The following AZI2 variants were observed in gnomAD, a reference collection of about 807,000 sequenced individuals.
AZI2 encodes 5-azacytidine induced 2.
Under a neutral mutation model 45.8 loss-of-function variants are expected in AZI2, and 22 were observed. The ratio of observed to expected loss-of-function variants is 0.48; its 90% CI spans 0.34 to 0.69. The LOEUF (loss-of-function observed/expected upper bound fraction) is 0.69, where lower values mean the gene tolerates loss of function less well. Among genes scored for constraint, AZI2 ranks in the 30% least tolerant of loss-of-function variants. The probability of loss-of-function intolerance (pLI) is 0.01; values close to 1 mark genes in which losing one functional copy is unlikely to be tolerated. For missense variants in AZI2, 417 were observed against 441.5 expected (o/e 0.94, Z 0.50); for synonymous variants, 137 against 156.7 (o/e 0.87, Z 0.94).
chr3:28,344,936 G>A (rs894607248), intron 1 of AZI2, among the ~76,000 whole-genome samples: 2 of 152,044 alleles, frequency 1.3e-5, no homozygotes, highest in Admixed American at 1.3e-4. Flanking sequence ...AGCTTAAGTG[G>A]ACTTCTCTCA....
At chr3:28,331,211 A>G (rs751466076) in intron 6 of AZI2, among the ~76,000 whole-genome samples, 53 of 151,362 alleles carry the variant, frequency 3.5e-4, no homozygotes, top group Non-Finnish European at 6.5e-4. Flanking sequence ...TCTTTTGATG[A>G]TATTATTCAT....
At chr3:28,339,367 T>A (rs1703923209) in intron 2 of AZI2, among the ~76,000 whole-genome samples, 1 of 152,180 alleles carries the variant, frequency 6.6e-6, no homozygotes, top group African/African-American at 2.4e-5. Flanking sequence ...GGATTGTTGG[T>A]CATGAAGTAC....
At position 28,336,730 on chromosome 3, in the gene AZI2, G is replaced by GTAAT. The variant is rs1462350794; in HGVS notation, c.588+3_588+6dup. ...CTGAAATTCTCAATTTAATAATTCTGTAATACCGTTTGTTTGGCTTTCTGT... is the reference window on the plus strand; with the variant it reads ...CTGAAATTCTCAATTTAATAATTCTGTAATTAATACCGTTTGTTTGGCTTTCTGT... On this transcript the variant is annotated splice_region_variant and intron_variant, in intron 5 of 7. Coordinates refer to ENST00000479665, the MANE Select transcript of AZI2 (RefSeq NM_022461.5). 3.1e-6 allele frequency: 5 copies of GTAAT among 1,610,636 alleles called. No homozygotes were observed. The Admixed American group carries it at 6.7e-5, about 22-fold the overall frequency.
At position 28,323,143 on chromosome 3, in the gene AZI2, AAC is replaced by A. The variant is rs1703242921; in HGVS notation, c.*897_*898del. ...AATATTACATTTCAACACAAAGTCT[AAC>A]AATTTAGAAGCTGCTCTACACAATG... On this transcript the variant is annotated 3_prime_UTR_variant, in exon 8 of 8. Transcript: ENST00000479665. 1 of 150,858 alleles carries A rather than the reference AAC, an allele frequency of 6.6e-6. No homozygotes were observed. Among genetic ancestry groups the A allele is most frequent in the Non-Finnish European group, 1.5e-5 (1 of 67,274 alleles). The allele number at this position is 150,858 out of a possible 1,614,324, so 9.3% of individuals were successfully genotyped here. A position where few individuals can be genotyped will look rare whatever the true frequency, so the allele number is the denominator to read the frequency against.
At chr3:28,327,626 TAATTAA>T (rs1264192149) in intron 6 of AZI2, among the ~76,000 whole-genome samples, 2 of 151,032 alleles carry the variant, frequency 1.3e-5, no homozygotes, top group African/African-American at 4.8e-5. Context: ...CCTGTTTTTA[TAATTAA>T]AAGTATTTTA....
rs2125626433 is a variant in AZI2 at position 28,321,593 on chromosome 3, G to A, written c.*2449C>T. 6.6e-6 allele frequency: 1 copy of A among 151,120 alleles called. No homozygotes were observed. Among genetic ancestry groups the A allele is most frequent in the South Asian group, 2.1e-4 (1 of 4,822 alleles). 9.4% of individuals were successfully genotyped at this position (151,120 alleles called of 1,614,324 possible). On this transcript the variant is annotated 3_prime_UTR_variant, in exon 8 of 8. Transcript: ENST00000479665. The stretch of plus-strand genomic sequence containing the variant: ...GGTGCCTCTGTTGATATTATTCCCT[G>A]TTAATATGTGGTAACCCACAGGTTT...
At position 28,321,354 on chromosome 3, in the gene AZI2, CAGA is replaced by C. The variant is rs1703184167; in HGVS notation, c.*2685_*2687del. 6.6e-6 allele frequency: 1 copy of C among 151,396 alleles called. No individual in the cohort carries two copies. The highest frequency in any genetic ancestry group is 2.4e-5 in the African/African-American group (1 of 41,344). 9.4% of individuals were successfully genotyped at this position (151,396 alleles called of 1,614,324 possible). The stretch of plus-strand genomic sequence containing the variant: ...TCTATTTTATAGCTTTGATTAAAAT[CAGA>C]AGTAGCCCACTTCATGTAGAAAATT... On this transcript the variant is annotated 3_prime_UTR_variant, in exon 8 of 8. Transcript: ENST00000479665.
chr3:28,332,461 T>C, intron 5 of AZI2, 34 bp from the exon 6 acceptor site: 1 of 1,563,472 alleles, frequency 6.4e-7, no homozygotes, highest in Non-Finnish European at 8.8e-7. Context: ...AGTTTAAAAG[T>C]TGTAATTTTT....
Position 28,322,223 on chromosome 3 carries a change from G to A in AZI2, c.*1819C>T, listed in dbSNP as rs1399989079. Reference sequence around the variant, plus strand: ...GTTTGATAGCTATCATCACTGTACTGTTTAAATGGAAAATAATTTTCTCCA... The same window carrying A: ...GTTTGATAGCTATCATCACTGTACTATTTAAATGGAAAATAATTTTCTCCA... On this transcript the variant is annotated 3_prime_UTR_variant, in exon 8 of 8. Coordinates refer to ENST00000479665, the MANE Select transcript of AZI2 (RefSeq NM_022461.5). 1 of 151,176 alleles carries A rather than the reference G, an allele frequency of 6.6e-6. No individual in the cohort carries two copies. Among genetic ancestry groups the A allele is most frequent in the Non-Finnish European group, 1.5e-5 (1 of 67,428 alleles). The allele number at this position is 151,176 out of a possible 1,614,324, so 9.4% of individuals were successfully genotyped here.
At chr3:28,337,026 GTAAT>G in intron 4 of AZI2, 141 bp from the exon 5 acceptor site, 3 of 799,326 alleles carry the variant, frequency 3.8e-6, no homozygotes, top group Non-Finnish European at 5.7e-6. Flanking sequence ...TTTAAAAACA[GTAAT>G]TATTAATACT....
intron 4 of AZI2, 112 bp from the exon 5 acceptor site, chr3:28,336,997 C>CAT (rs1029127256): frequency 2.0e-6 from 2 of 1,010,352 alleles, no homozygotes; most frequent in African/African-American, 1.6e-5. Flanking sequence ...TAACATAAAA[C>CAT]ATATATGATC....
At position 28,326,847 on chromosome 3, in the gene AZI2, T is replaced by C. The variant is rs745305619; in HGVS notation, c.751A>G (p.Thr251Ala). ...AGTGACTTGCCTTTCTTGATTGCAG[T>C]TGAGGTTTTCAGTTTTCTTAGTAGT... ...AELLRKLKTS[T>A]AIKKACAPVG... The change falls in exon 7 of 8, where the codon ACT becomes GCT. Residue 251 changes from threonine to alanine, a missense_variant. Transcript: ENST00000479665. 6.2e-6 allele frequency: 10 copies of C among 1,607,630 alleles called. No individual in the cohort carries two copies. Among genetic ancestry groups the C allele is most frequent in the South Asian group, 1.1e-5 (1 of 90,982 alleles).
intron 6 of AZI2, among the ~76,000 whole-genome samples, chr3:28,329,498 G>A (rs1369799644): frequency 6.6e-6 from 1 of 151,226 alleles, no homozygotes; most frequent in East Asian, 2.0e-4. Flanking sequence ...ACAACTGAAG[G>A]AGGGAGTACA....
intron 3 of AZI2, 63 bp downstream of exon 3, chr3:28,338,430 A>C: frequency 6.9e-7 from 1 of 1,457,972 alleles, no homozygotes; most frequent in Non-Finnish European, 9.2e-7. Context: ...TCTAATTTTA[A>C]ACCTCTTGAA....
intron 1 of AZI2, among the ~76,000 whole-genome samples, chr3:28,341,984 C>T (rs1213679241): frequency 2.0e-5 from 3 of 152,054 alleles, no homozygotes; most frequent in South Asian, 4.1e-4. Flanking sequence ...ACTACAGCCA[C>T]GTTTCCAACC....
chr3:28,325,429 G>C (rs1259443682), intron 7 of AZI2, among the ~76,000 whole-genome samples: 1 of 150,962 alleles, frequency 6.6e-6, no homozygotes, highest in East Asian at 1.9e-4. Context: ...AACTGGAAGT[G>C]TAGTGTTTGG....
At chr3:28,347,686 CCTT>C (rs967064596) in intron 1 of AZI2, among the ~76,000 whole-genome samples, 2 of 152,152 alleles carry the variant, frequency 1.3e-5, no homozygotes, top group African/African-American at 4.8e-5. Flanking sequence ...AATATTAAAA[CCTT>C]CTACTTGCGT....
intron 1 of AZI2, among the ~76,000 whole-genome samples, chr3:28,340,838 C>T (rs1403243648): frequency 6.6e-6 from 1 of 152,014 alleles, no homozygotes; most frequent in Non-Finnish European, 1.5e-5. Context: ...CAAGAAATAA[C>T]AGCAAATACC....
chr3:28,336,508 T>C (rs1407212744), intron 5 of AZI2, among the ~76,000 whole-genome samples: 1 of 151,974 alleles, frequency 6.6e-6, no homozygotes, highest in Non-Finnish European at 1.5e-5. Context: ...AATCAACCTT[T>C]TAAAAAACAA....
Sources: gnomAD v4.1 joint callset for allele counts (sites outside exome capture counted in the v4.1 genomes callset) on GRCh38, gnomAD v4.1.1 for gene constraint, MANE v1.5 for transcripts, NCBI Gene and HGNC (gene_info 2026-07-23, HGNC 2026-07-21) for gene names.